The following FAM228B variants were observed in gnomAD, a reference collection of about 807,000 sequenced individuals.
The protein encoded by FAM228B is protein FAM228B.
Under a neutral mutation model 42.6 loss-of-function variants are expected in FAM228B, and 38 were observed. The ratio of observed to expected loss-of-function variants is 0.89; its 90% CI spans 0.69 to 1.17. FAM228B has a LOEUF of 1.17. Ranked by LOEUF, FAM228B falls within the 50% of genes most tolerant of loss-of-function variation. The pLI is 0.00. For synonymous variants in FAM228B, 109 were observed against 122.3 expected (o/e 0.89, Z 0.72); for missense variants, 344 against 367.3 (o/e 0.94, Z 0.52).
chr2:24,093,614 G>A (rs1665435216), intron 2 of FAM228B, among the ~76,000 whole-genome samples: 1 of 145,262 alleles, frequency 6.9e-6, no homozygotes, highest in Admixed American at 6.8e-5. Context: ...ATAAACATAT[G>A]TGTGCATTTT....
At chr2:24,129,026 A>G (rs1158520593) in intron 2 of FAM228B, among the ~76,000 whole-genome samples, 3 of 151,700 alleles carry the variant, frequency 2.0e-5, no homozygotes, top group Non-Finnish European at 2.9e-5. Flanking sequence ...TTCTTTGCCC[A>G]TTGTTCCTTT....
At position 24,124,273 on chromosome 2, in the gene FAM228B, CAGAAG is replaced by C. The variant is rs950731178; in HGVS notation, c.-32-52_-32-48del. ...GTGCAAGGACACAGGTGGTATTAAA[CAGAAG>C]AGAAAATCAGATGACTGTGAAATGT... On this transcript the variant is annotated intron_variant, in intron 1 of 10. Transcript: ENST00000615575. The C allele has an allele frequency of 4.5e-5, 40 of 886,008 alleles. No homozygotes were observed. In the African/African-American group the frequency reaches 6.4e-4, roughly 14 times the overall value. The allele number at this position is 886,008 out of a possible 1,614,324, so 54.9% of individuals were successfully genotyped here. A position where few individuals can be genotyped will look rare whatever the true frequency, so the allele number is the denominator to read the frequency against.
intron 9 of FAM228B, among the ~76,000 whole-genome samples, chr2:24,164,758 A>G (rs1042186611): frequency 3.9e-5 from 6 of 152,158 alleles, no homozygotes; most frequent in Non-Finnish European, 5.9e-5. Flanking sequence ...TAGGTAGAAA[A>G]TTTTCAAAAG....
intron 2 of FAM228B, chr2:24,082,840 G>T: frequency 6.5e-7 from 1 of 1,544,954 alleles, no homozygotes. Flanking sequence ...GATTTATGAA[G>T]GTGTTGAGCC....
At chr2:24,134,349 G>A (rs1666527419) in intron 2 of FAM228B, among the ~76,000 whole-genome samples, 1 of 152,196 alleles carries the variant, frequency 6.6e-6, no homozygotes, top group South Asian at 2.1e-4. Context: ...TTTCTTCTAT[G>A]TATAGAGTTT....
intron 5 of FAM228B, chr2:24,142,752 C>T (rs1666787447): frequency 6.6e-6 from 1 of 152,202 alleles, no homozygotes; most frequent in East Asian, 1.9e-4. Context: ...AAAAGGTGAG[C>T]TTTCAAGCAA....
intron 2 of FAM228B, chr2:24,082,976 G>A (rs770889051): frequency 2.5e-6 from 4 of 1,614,084 alleles, no homozygotes; most frequent in Non-Finnish European, 3.4e-6. Context: ...TAGGCATGAG[G>A]AGCCCTTCGG....
chr2:24,164,179 T>C lies in FAM228B; in HGVS notation c.795-19T>C, dbSNP rs1249095303. ...TTGAGAGTTAAGAGAATCCCTTCCT[T>C]TCTGGTTCCTTCCTGCAGAAACAAA... On this transcript the variant is annotated intron_variant, in intron 8 of 10. Coordinates refer to ENST00000615575, the MANE Select transcript of FAM228B (RefSeq NM_001145710.2). 1 of 1,538,320 alleles carries C rather than the reference T, an allele frequency of 6.5e-7. No homozygotes were observed.
intron 7 of FAM228B, among the ~76,000 whole-genome samples, chr2:24,151,866 T>TTTTA (rs1422857615): frequency 6.6e-6 from 1 of 151,806 alleles, no homozygotes; most frequent in Non-Finnish European, 1.5e-5. Context: ...GTATTTTTAT[T>TTTTA]TTTATTTATT....
chr2:24,084,384 G>A lies in FAM228B; in HGVS notation c.-210+3429G>A. On this transcript the variant is annotated intron_variant, in intron 2 of 10. Coordinates refer to the FAM228B transcript ENST00000613899. The surrounding 1 kb of genome is among the most constrained non-coding windows in gnomAD (Gnocchi z 8.4). ...GACAGGACAGGGCAGGGCAGGGCAG[G>A]ACAGGACAGGGCAGGGCAGGACAGG... The A allele has an allele frequency of 7.4e-7, 1 of 1,343,884 alleles. No individual in the cohort carries two copies. The highest frequency in any genetic ancestry group is 1.3e-5 in the South Asian group (1 of 78,074). The allele number at this position is 1,343,884 out of a possible 1,614,324, so 83.2% of individuals were successfully genotyped here.
intron 7 of FAM228B, among the ~76,000 whole-genome samples, chr2:24,158,721 T>C (rs896425852): frequency 1.3e-5 from 2 of 152,204 alleles, no homozygotes; most frequent in African/African-American, 4.8e-5. Context: ...ATCGATATGA[T>C]GACACAAGGG....
chr2:24,121,115 G>A (rs183055496), upstream of FAM228B: 214 of 1,602,624 alleles, frequency 1.3e-4, no homozygotes, highest in African/African-American at 2.3e-3. Context: ...AAATTTGGAG[G>A]CAAATTCTTT....
intron 3 of FAM228B, among the ~76,000 whole-genome samples, chr2:24,137,220 T>G (rs926807620): frequency 2.6e-5 from 4 of 152,200 alleles, no homozygotes; most frequent in Non-Finnish European, 5.9e-5. Context: ...TTTCCACCTT[T>G]TGGCTATTGT....
intron 2 of FAM228B, among the ~76,000 whole-genome samples, chr2:24,134,585 G>A (rs894922243): frequency 6.6e-6 from 1 of 152,204 alleles, no homozygotes; most frequent in Non-Finnish European, 1.5e-5. Context: ...AACATTTTGG[G>A]ACTCAAAGTG....
chr2:24,163,670 A>G (rs1056978171), intron 8 of FAM228B, among the ~76,000 whole-genome samples: 1 of 152,202 alleles, frequency 6.6e-6, no homozygotes, highest in Non-Finnish European at 1.5e-5. Context: ...TAATTTTGAT[A>G]AATGATATAA....
At chr2:24,141,397 C>T (rs1202488637) in intron 5 of FAM228B, among the ~76,000 whole-genome samples, 1 of 152,224 alleles carries the variant, frequency 6.6e-6, no homozygotes, top group African/African-American at 2.4e-5. Flanking sequence ...GCACCCACCA[C>T]CACGCCTGGC....
intron 1 of FAM228B, chr2:24,079,674 G>A (rs1664916923): frequency 6.3e-7 from 1 of 1,598,294 alleles, no homozygotes; most frequent in African/African-American, 1.3e-5. Flanking sequence ...ATGCTAGTCA[G>A]CTTGGTGCTA....
chr2:24,079,560 G>C, intron 1 of FAM228B: 1 of 1,614,016 alleles, frequency 6.2e-7, no homozygotes, highest in Non-Finnish European at 8.5e-7. Context: ...AGAACCCATC[G>C]ACCATCAAGA....
At chr2:24,082,925 T>C (rs2150986375) in intron 2 of FAM228B, 3 of 1,613,008 alleles carry the variant, frequency 1.9e-6, no homozygotes, top group East Asian at 2.2e-5. Flanking sequence ...GCCAGGCCTC[T>C]GGGATGGCTG....
Sources: allele counts gnomAD v4.1 joint callset (sites outside exome capture counted in the v4.1 genomes callset), GRCh38; gene constraint gnomAD v4.1.1; non-coding constraint Gnocchi (gnomAD v3.1); transcripts MANE v1.5; gene names NCBI Gene and HGNC (gene_info 2026-07-23, HGNC 2026-07-21).